Variants in SLC9A9 observed in about 807,000 individuals in gnomAD.
The protein encoded by SLC9A9 is sodium/hydrogen exchanger 9.
In SLC9A9, 62 loss-of-function variants were observed where a neutral mutation model predicts 77.8. The ratio of observed to expected loss-of-function variants is 0.80; its 90% CI spans 0.65 to 0.98. The LOEUF is 0.98. Ranked by LOEUF, SLC9A9 falls within the 50% of genes least tolerant of loss-of-function variation. SLC9A9 has a pLI of 0.00. For missense variants in SLC9A9, 775 were observed against 774.9 expected, an observed-to-expected ratio of 1.00 and a Z score of 0.00; for synonymous variants, 320 against 283.5, an observed-to-expected ratio of 1.13 and a Z score of -1.29.
intron 12 of SLC9A9, among the ~76,000 whole-genome samples, chr3:143,447,595 G>T (rs2034868328): frequency 6.6e-6 from 1 of 152,064 alleles, no homozygotes; most frequent in Admixed American, 6.6e-5. Flanking sequence ...CCATTTCAAG[G>T]CCCAGAAAAG....
intron 1 of SLC9A9, among the ~76,000 whole-genome samples, chr3:143,839,683 T>C (rs1164355340): frequency 2.6e-5 from 4 of 152,210 alleles, no homozygotes; most frequent in African/African-American, 9.6e-5. Flanking sequence ...AACAGTATAA[T>C]AGATAACTTT....
intron 9 of SLC9A9, among the ~76,000 whole-genome samples, chr3:143,539,873 AT>A (rs2108628813): frequency 7.4e-6 from 1 of 134,486 alleles, no homozygotes; most frequent in East Asian, 2.1e-4. Context: ...AAAGTGAAAA[AT>A]TAAGAGAGAG....
chr3:143,546,775 A>G (rs2036799212), intron 9 of SLC9A9, among the ~76,000 whole-genome samples: 1 of 152,236 alleles, frequency 6.6e-6, no homozygotes, highest in Non-Finnish European at 1.5e-5. Context: ...TCTCCTTAAC[A>G]TAAACAAGCA....
chr3:143,433,608 TTC>T (rs2034569455), intron 12 of SLC9A9, among the ~76,000 whole-genome samples: 1 of 152,174 alleles, frequency 6.6e-6, no homozygotes, highest in Non-Finnish European at 1.5e-5. Flanking sequence ...GGTGGGGGTG[TTC>T]TGTTAACCCT....
At chr3:143,407,755 AAAT>A in intron 12 of SLC9A9, among the ~76,000 whole-genome samples, 1 of 152,354 alleles carries the variant, frequency 6.6e-6, no homozygotes, top group East Asian at 1.9e-4. Context: ...GAAGGAGTTT[AAAT>A]AATGTCATGA....
chr3:143,702,570 C>T (rs114487992), intron 4 of SLC9A9, among the ~76,000 whole-genome samples: 1,518 of 151,222 alleles, frequency 0.01, 27 homozygotes, highest in African/African-American at 0.035. Flanking sequence ...ATACAATAAA[C>T]ACATAAAAAA....
At chr3:143,385,580 C>T (rs780968102) in intron 12 of SLC9A9, among the ~76,000 whole-genome samples, 2 of 152,222 alleles carry the variant, frequency 1.3e-5, no homozygotes, top group African/African-American at 2.4e-5. Flanking sequence ...AACCATGTAT[C>T]CATTCACTTT....
At chr3:143,599,652 C>T (rs906979185) in intron 6 of SLC9A9, among the ~76,000 whole-genome samples, 5 of 152,214 alleles carry the variant, frequency 3.3e-5, no homozygotes, top group African/African-American at 9.6e-5. Context: ...GGCTGACCAC[C>T]GACAAGCTTT....
intron 7 of SLC9A9, among the ~76,000 whole-genome samples, chr3:143,578,057 CAT>C (rs2037391414): frequency 6.6e-6 from 1 of 152,210 alleles, no homozygotes. Flanking sequence ...GTATGGCACA[CAT>C]ATCATTTCAG....
At chr3:143,789,650 C>T (rs1218723126) in intron 4 of SLC9A9, among the ~76,000 whole-genome samples, 2 of 152,000 alleles carry the variant, frequency 1.3e-5, no homozygotes, top group Admixed American at 1.3e-4. Flanking sequence ...CCATATCTAT[C>T]CTAATTAAGA....
chr3:143,640,049 T>C (rs1164354257), intron 6 of SLC9A9, among the ~76,000 whole-genome samples: 1 of 135,732 alleles, frequency 7.4e-6, no homozygotes, highest in Non-Finnish European at 1.5e-5. Context: ...TGAGATGGAG[T>C]CTCACTCTGT....
chr3:143,433,901 C>T (rs1202764490), intron 12 of SLC9A9, among the ~76,000 whole-genome samples: 1 of 152,086 alleles, frequency 6.6e-6, no homozygotes, highest in African/African-American at 2.4e-5. Flanking sequence ...TCTTCTATAC[C>T]TTTGCATGCC....
rs183892723 is a variant in SLC9A9 at position 143,335,027 on chromosome 3, A to G, written c.1604+28457T>C. Among the ~76,000 whole-genome samples, 1,033 of 152,278 alleles carry G rather than the reference A, an allele frequency of 6.8e-3. 7 individuals carry two copies. Among genetic ancestry groups the G allele is most frequent in the African/African-American group, 0.024 (987 of 41,572 alleles). ...ACAATGATCTCTGTTCACAGATGAC[A>G]TAATCTTATATATAGAAAACCCTAA... On this transcript the variant is annotated intron_variant, in intron 14 of 15. Coordinates refer to ENST00000316549, the MANE Select transcript of SLC9A9 (RefSeq NM_173653.4).
chr3:143,266,842 T>G lies in SLC9A9; in HGVS notation c.1798A>C (p.Ser600Arg). Reference protein sequence around the residue: ...NYQEQASSPCSPPARLGLDQK... With the variant: ...NYQEQASSPCRPPARLGLDQK... ...TCCAGACCTAGCCTTGCAGGAGGAC[T>G]GCAGGGTGAGGAGGCTTGCTCCTGG... The change falls in exon 16 of 16, where the codon AGT becomes CGT. Residue 600 changes from serine to arginine, a missense_variant. Ser to Arg is a moderately radical substitution (Grantham distance 110). Coordinates refer to ENST00000316549, the MANE Select transcript of SLC9A9 (RefSeq NM_173653.4). 1.9e-6 allele frequency: 3 copies of G among 1,614,226 alleles called. No homozygotes were observed. The highest frequency in any genetic ancestry group is 2.5e-6 in the Non-Finnish European group (3 of 1,180,046).
chr3:143,443,175 T>TG (rs1221596950), intron 12 of SLC9A9, among the ~76,000 whole-genome samples: 1 of 149,536 alleles, frequency 6.7e-6, no homozygotes, highest in Non-Finnish European at 1.5e-5. Context: ...GTGTGGGGGC[T>TG]GGGGGCCAGA....
chr3:143,488,043 T>C (rs962898075), intron 11 of SLC9A9, among the ~76,000 whole-genome samples: 14 of 151,756 alleles, frequency 9.2e-5, no homozygotes, highest in African/African-American at 3.4e-4. Flanking sequence ...AAATTAGAAA[T>C]AATAGTGGTG....
intron 9 of SLC9A9, chr3:143,503,998 G>A (rs2035968300): frequency 4.5e-6 from 2 of 439,594 alleles, no homozygotes; most frequent in Admixed American, 2.5e-5. Flanking sequence ...AACATAATCA[G>A]TGCCAGCATC....
chr3:143,598,235 T>G (rs1233406214), intron 6 of SLC9A9, among the ~76,000 whole-genome samples: 1 of 152,256 alleles, frequency 6.6e-6, no homozygotes, highest in Non-Finnish European at 1.5e-5. Flanking sequence ...GCTGCAGCTG[T>G]TGCCATGGCG....
At chr3:143,348,913 T>A (rs2032376225) in intron 14 of SLC9A9, among the ~76,000 whole-genome samples, 1 of 152,346 alleles carries the variant, frequency 6.6e-6, no homozygotes, top group South Asian at 2.1e-4. Context: ...TTCAAGCTCA[T>A]GCAGCCTGCA....
Sources: gnomAD v4.1 joint callset for allele counts (sites outside exome capture counted in the v4.1 genomes callset) on GRCh38, gnomAD v4.1.1 for gene constraint, MANE v1.5 for transcripts, NCBI Gene and HGNC (gene_info 2026-07-23, HGNC 2026-07-21) for gene names.